Variants in PTGIR observed in about 807,000 individuals in gnomAD.
PTGIR encodes the protein prostaglandin I2 receptor.
PTGIR carries 16 observed loss-of-function variants against 17.6 expected under a neutral mutation model. The ratio of observed to expected loss-of-function variants is 0.91; its 90% CI spans 0.61 to 1.38. The LOEUF (loss-of-function observed/expected upper bound fraction) is 1.38. Among genes scored for constraint, PTGIR ranks in the 40% most tolerant of loss-of-function variants. PTGIR has a pLI of 0.00. For missense variants in PTGIR, 532 were observed against 548.6 expected (o/e 0.97, Z 0.30); for synonymous variants, 274 against 255.4 (o/e 1.07, Z -0.69).
At chr19:46,624,374 G>C (rs1159924004) in intron 1 of PTGIR, 137 bp from the exon 2 acceptor site, 4 of 680,968 alleles carry the variant, frequency 5.9e-6, no homozygotes, top group Non-Finnish European at 9.1e-6. Flanking sequence ...TGTGTGTGCG[G>C]GTATGCAGTC....
Position 46,620,786 on chromosome 19 carries a change from G to A in PTGIR, c.*494C>T, listed in dbSNP as rs555307291. 1.0e-6 allele frequency: 1 copy of A among 986,296 alleles called. No homozygotes were observed. Among genetic ancestry groups the A allele is most frequent in the Non-Finnish European group, 1.2e-6 (1 of 830,224 alleles). 61.1% of individuals were successfully genotyped at this position (986,296 alleles called of 1,614,324 possible). ...TGGTGGGGGACCAGCGGCAAGGGAA[G>A]GCAGGGAGCTTTTCCAATAACTGTG... On this transcript the variant is annotated 3_prime_UTR_variant, in exon 3 of 3. Coordinates refer to ENST00000291294, the MANE Select transcript of PTGIR (RefSeq NM_000960.4).
chr19:46,611,251 A>G, the PTGIR span, among the ~76,000 whole-genome samples: 1 of 152,316 alleles, frequency 6.6e-6, no homozygotes, highest in South Asian at 2.1e-4. Flanking sequence ...GAACTGAAGG[A>G]AATCCAGCGA....
At chr19:46,619,548 AG>A (rs756442109), downstream of PTGIR, among the ~76,000 whole-genome samples, 17 of 75,080 alleles carry the variant, frequency 2.3e-4, no homozygotes, top group East Asian at 7.9e-4. Context: ...AAAGAAAGAA[AG>A]AGAGAGAGAG....
chr19:46,621,913 T>C lies in PTGIR; in HGVS notation c.769-241A>G. On this transcript the variant is annotated intron_variant, in intron 2 of 2. Transcript: ENST00000291294. The surrounding 1 kb of genome is among the most constrained non-coding windows in gnomAD (Gnocchi z 4.8). ...GCCAGGTATGTGGGTCCCCCCACCC[T>C]TGGAAGCTGGGAGGACCCTCGGGCT... 1 of 1,306,882 alleles carries C rather than the reference T, an allele frequency of 7.7e-7. No homozygotes were observed. The highest frequency in any genetic ancestry group is 9.7e-7 in the Non-Finnish European group (1 of 1,029,394). 81.0% of individuals were successfully genotyped at this position (1,306,882 alleles called of 1,614,324 possible).
downstream of PTGIR, among the ~76,000 whole-genome samples, chr19:46,616,195 T>C (rs1319645914): frequency 6.6e-6 from 1 of 151,996 alleles, no homozygotes; most frequent in African/African-American, 2.4e-5. Flanking sequence ...ATATTCCCAG[T>C]GGGCACGAGG....
downstream of PTGIR, among the ~76,000 whole-genome samples, chr19:46,618,016 T>TTTTTTG (rs760206738): frequency 2.9e-5 from 4 of 136,524 alleles, no homozygotes; most frequent in Non-Finnish European, 6.2e-5. Context: ...TTTTTGTAAT[T>TTTTTTG]TTTTTTTTTT....
intron 2 of PTGIR, chr19:46,622,411 C>A: frequency 1.0e-6 from 1 of 985,020 alleles, no homozygotes; most frequent in African/African-American, 1.7e-5. Flanking sequence ...AGAGAACGTT[C>A]TCTTGGTTTC....
At position 46,624,044 on chromosome 19, in the gene PTGIR, AGGTCGGTGGCC is replaced by A; in HGVS notation, c.171_181del (p.Thr59GlyfsTer205). The A allele has an allele frequency of 2.0e-6, 3 of 1,537,910 alleles. No individual in the cohort carries two copies. The South Asian group carries it at 3.6e-5, about 18-fold the overall frequency. ...CGGGCTCAGGAAGCTGGTGCCCAGCAGGTCGGTGGCCGCCAGTCCGGTCACCAGCACCGCGA... is the reference window on the plus strand; with the variant it reads ...CGGGCTCAGGAAGCTGGTGCCCAGCAGCCAGTCCGGTCACCAGCACCGCGA... On this transcript the variant is annotated frameshift_variant, in exon 2 of 3. Coordinates refer to ENST00000291294, the MANE Select transcript of PTGIR (RefSeq NM_000960.4). LOFTEE classifies it high-confidence loss of function.
chr19:46,623,909 G>A lies in PTGIR; in HGVS notation c.317C>T (p.Ser106Phe). ...AFAMTFFGLASMLILFAMAVE... is the reference protein window; with the variant it reads ...AFAMTFFGLAFMLILFAMAVE... ...GGCCATGGCAAAGAGGATGAGCATG[G>A]ACGCCAGGCCGAAGAAGGTCATGGC... Residue 106 changes from serine to phenylalanine, a missense_variant, in exon 2 of 3, where the codon TCC (serine) becomes TTC (phenylalanine). Transcript: ENST00000291294. The A allele has an allele frequency of 6.2e-7, 1 of 1,608,176 alleles. No homozygotes were observed. The highest frequency in any genetic ancestry group is 8.5e-7 in the Non-Finnish European group (1 of 1,177,268).
chr19:46,618,758 C>T (rs1328880406), downstream of PTGIR, among the ~76,000 whole-genome samples: 1 of 152,166 alleles, frequency 6.6e-6, no homozygotes, highest in Non-Finnish European at 1.5e-5. Context: ...ATTTTCATCA[C>T]CCCAAAGGGG....
Position 46,624,234 on chromosome 19 carries a change from T to C in PTGIR, c.-9A>G. Reference sequence around the variant, plus strand: ...CTGCACGAATCCGCCATCCCAGGTCTGGGCTGGAGGGTTCCCAAGGTGGGG... The same window carrying C: ...CTGCACGAATCCGCCATCCCAGGTCCGGGCTGGAGGGTTCCCAAGGTGGGG... On this transcript the variant is annotated 5_prime_UTR_variant, in exon 2 of 3. Coordinates refer to ENST00000291294, the MANE Select transcript of PTGIR (RefSeq NM_000960.4). 3 of 1,428,040 alleles carry C rather than the reference T, an allele frequency of 2.1e-6. No homozygotes were observed. The highest frequency in any genetic ancestry group is 1.5e-5 in the African/African-American group (1 of 67,512). The allele number at this position is 1,428,040 out of a possible 1,614,324, so 88.5% of individuals were successfully genotyped here.
chr19:46,623,666 G>T lies in PTGIR; in HGVS notation c.560C>A (p.Ala187Asp). The T allele has an allele frequency of 2.6e-6, 4 of 1,550,092 alleles. No individual in the cohort carries two copies. The highest frequency in any genetic ancestry group is 3.9e-5 in the Admixed American group (2 of 51,634). ...CAGCAGGGCCACCAGGCCGGCGTAG[G>T]CCAGCGAGAAGGCGGCGCCGCCCGG... ...AQPGGAAFSL[A>D]YAGLVALLVA... Residue 187 changes from alanine to aspartate, a missense_variant, in exon 2 of 3, where the codon GCC (alanine) becomes GAC (aspartate). Coordinates refer to ENST00000291294, the MANE Select transcript of PTGIR (RefSeq NM_000960.4).
chr19:46,624,148 G>T lies in PTGIR; in HGVS notation c.78C>A (p.Ala26=). Residue 26 remains alanine (A), a synonymous_variant, in exon 2 of 3, where the codon GCC becomes GCA. Transcript: ENST00000291294. ...GPATSTLMFV[A]GVVGNGLALG... is the part of the protein sequence containing the mutation. ...GGGCCAGCCCGTTGCCCACCACACC[G>T]GCCACGAACATCAGGGTGCTGGTGG... is the stretch of plus-strand genomic sequence containing the variant. 1 of 1,526,266 alleles carries T rather than the reference G, an allele frequency of 6.6e-7. No homozygotes were observed. The highest frequency in any genetic ancestry group is 8.7e-7 in the Non-Finnish European group (1 of 1,144,024). 94.5% of individuals were successfully genotyped at this position (1,526,266 alleles called of 1,614,324 possible). A position where few individuals can be genotyped will look rare whatever the true frequency, so the allele number is the denominator to read the frequency against.
chr19:46,613,500 C>T, the PTGIR span, among the ~76,000 whole-genome samples: 5 of 151,536 alleles, frequency 3.3e-5, no homozygotes, highest in Non-Finnish European at 7.4e-5. Flanking sequence ...CCACTAATTT[C>T]TTTTGTATTT....
At chr19:46,623,426 C>T in intron 2 of PTGIR, 32 bp downstream of exon 2, 4 of 1,494,982 alleles carry the variant, frequency 2.7e-6, no homozygotes, top group Non-Finnish European at 3.6e-6. Flanking sequence ...CTCCTCCTCT[C>T]CCCACTCCTC....
At chr19:46,623,262 G>A (rs1320382709) in intron 2 of PTGIR, 196 bp downstream of exon 2, 4 of 579,314 alleles carry the variant, frequency 6.9e-6, no homozygotes, top group Admixed American at 3.8e-5. Context: ...CTCCCAAAGT[G>A]CTGGGATTAC....
At chr19:46,613,222 T>C in the PTGIR span, among the ~76,000 whole-genome samples, 3 of 151,208 alleles carry the variant, frequency 2.0e-5, no homozygotes, top group Non-Finnish European at 2.9e-5. Context: ...TTTTGTATTT[T>C]GGTAGAAACG....
At chr19:46,622,185 G>A in intron 2 of PTGIR, 2 of 985,336 alleles carry the variant, frequency 2.0e-6, no homozygotes, top group Non-Finnish European at 2.4e-6. Context: ...GACACTGAGT[G>A]GGTACCAGGG....
At chr19:46,611,265 T>C in the PTGIR span, among the ~76,000 whole-genome samples, 34 of 152,074 alleles carry the variant, frequency 2.2e-4, no homozygotes, top group Non-Finnish European at 4.7e-4. Context: ...CCAGCGAGAC[T>C]GGGTGAGAGC....
Sources: gnomAD v4.1 joint callset for allele counts (sites outside exome capture counted in the v4.1 genomes callset) on GRCh38, gnomAD v4.1.1 for gene constraint, Gnocchi (gnomAD v3.1) non-coding constraint, MANE v1.5 for transcripts, NCBI Gene and HGNC (gene_info 2026-07-23, HGNC 2026-07-21) for gene names.